LYPD4: variants seen among roughly 807,000 people sequenced by gnomAD.
The protein encoded by LYPD4 is LY6/PLAUR domain containing 4, also known as ly6/PLAUR domain-containing protein 4.
A neutral mutation model predicts 18.2 loss-of-function variants in LYPD4; 20 were observed. That is an observed-to-expected ratio of 1.10 (90% CI 0.77 to 1.59). The LOEUF (loss-of-function observed/expected upper bound fraction) is 1.59, where lower values mean the gene tolerates loss of function less well. Ranked by LOEUF, LYPD4 falls within the 40% of genes most tolerant of loss-of-function variation. The pLI, the probability that LYPD4 is intolerant of heterozygous loss-of-function variation, is 0.00. For missense variants in LYPD4, 278 were observed against 300.3 expected, an observed-to-expected ratio of 0.93 and a Z score of 0.55; for synonymous variants, 111 against 118.3, an observed-to-expected ratio of 0.94 and a Z score of 0.40.
intron 1 of LYPD4, among the ~76,000 whole-genome samples, chr19:41,841,551 A>C (rs2073590488): frequency 6.6e-6 from 1 of 151,576 alleles, no homozygotes; most frequent in African/African-American, 2.4e-5. Context: ...CTGCAGTCCC[A>C]GCTACTAGGG....
rs1270338297 is a variant in LYPD4 at position 41,838,225 on chromosome 19, C to A, written c.248G>T (p.Ser83Ile). Residue 83 changes from serine (S) to isoleucine (I), a missense_variant, in exon 4 of 5, where the codon AGC (serine) becomes ATC (isoleucine). Ser to Ile is a moderately radical substitution (Grantham distance 142). Transcript: ENST00000609812. ...ARGVVGFKGC[S>I]SSSSYPAQIS... ...TTGCGCAGGGTAAGACGAAGACGAG[C>A]TGCAGCCTTTAAAGCCCACGACTCC... 2.6e-6 allele frequency: 4 copies of A among 1,544,574 alleles called. No individual in the cohort carries two copies. Among genetic ancestry groups the A allele is most frequent in the South Asian group, 1.2e-5 (1 of 80,132 alleles).
At chr19:41,840,245 G>A (rs541553993) in intron 1 of LYPD4, among the ~76,000 whole-genome samples, 81 of 152,024 alleles carry the variant, frequency 5.3e-4, no homozygotes, top group African/African-American at 1.9e-3. Context: ...CAGGCATCAC[G>A]ACAAAATGCC....
At chr19:41,836,738 A>G (rs1482606410), downstream of LYPD4, among the ~76,000 whole-genome samples, 1 of 151,684 alleles carries the variant, frequency 6.6e-6, no homozygotes, top group Non-Finnish European at 1.5e-5. Flanking sequence ...CCATGTCAAA[A>G]AAAGGAAAAA....
At chr19:41,837,017 T>G, downstream of LYPD4, 13 of 1,493,576 alleles carry the variant, frequency 8.7e-6, no homozygotes, top group Non-Finnish European at 1.1e-5. Context: ...CTGGACATGC[T>G]TGGCCTTCCT....
downstream of LYPD4, among the ~76,000 whole-genome samples, chr19:41,836,508 G>A (rs797024155): frequency 7.9e-5 from 12 of 151,972 alleles, no homozygotes; most frequent in African/African-American, 2.9e-4. Context: ...GTCTTGTGAG[G>A]ATTAAATGAT....
At chr19:41,842,315 T>C (rs1323802811) in intron 1 of LYPD4, among the ~76,000 whole-genome samples, 1 of 151,814 alleles carries the variant, frequency 6.6e-6, no homozygotes, top group Non-Finnish European at 1.5e-5. Context: ...AGGCATGAGC[T>C]CCCATGCCCA....
chr19:41,838,193 A>T lies in LYPD4; in HGVS notation c.280T>A (p.Tyr94Asn), dbSNP rs370929666. Residue 94 changes from tyrosine to asparagine, a missense_variant, in exon 4 of 5, where the codon TAC becomes AAC. Coordinates refer to ENST00000609812, the MANE Select transcript of LYPD4 (RefSeq NM_173506.7). ...SSSSYPAQIS[Y>N]LVSPPGVSIA... Reference sequence around the variant, plus strand: ...GACACTCCGGGTGGGGAAACAAGGTAGGAGATTTGCGCAGGGTAAGACGAA... The same window carrying T: ...GACACTCCGGGTGGGGAAACAAGGTTGGAGATTTGCGCAGGGTAAGACGAA... 1.1e-4 allele frequency: 173 copies of T among 1,592,208 alleles called. No individual in the cohort carries two copies. Among genetic ancestry groups the T allele is most frequent in the Non-Finnish European group, 1.3e-4 (153 of 1,167,604 alleles).
chr19:41,835,723 A>C, downstream of LYPD4: 1 of 945,838 alleles, frequency 1.1e-6, no homozygotes. Flanking sequence ...GAGGTCACAG[A>C]GGTCCATGGT....
intron 1 of LYPD4, among the ~76,000 whole-genome samples, chr19:41,843,046 A>C (rs1600568132): frequency 5.9e-5 from 2 of 34,142 alleles, no homozygotes; most frequent in East Asian, 5.9e-4. Flanking sequence ...AAAAAAAAAA[A>C]AAAAAAAAAA....
At chr19:41,840,555 G>A (rs892264148) in intron 1 of LYPD4, among the ~76,000 whole-genome samples, 7 of 152,074 alleles carry the variant, frequency 4.6e-5, no homozygotes, top group Middle Eastern at 3.2e-3. Flanking sequence ...ATATACAGCC[G>A]GGCACAGTAT....
rs2073687479 is a variant in LYPD4, at chr19:41,843,066, AAAAAAAAAAAAC to A, written c.-121+500_-121+511del. ...AAAAAAAAAAAAAAAAAAAAAAAAA[AAAAAAAAAAAAC>A]CCCAACAACAACACTACACACATCC... is the stretch of plus-strand genomic sequence containing the variant. On this transcript the variant is annotated intron_variant, in intron 1 of 4. Coordinates refer to ENST00000609812, the MANE Select transcript of LYPD4 (RefSeq NM_173506.7). Among the ~76,000 whole-genome samples, 15 of 39,730 alleles carry A rather than the reference AAAAAAAAAAAAC, an allele frequency of 3.8e-4. 4 individuals carry two copies. The highest frequency in any genetic ancestry group is 6.4e-4 in the African/African-American group (7 of 11,022). The allele number at this position is 39,730 out of a possible 152,430, so 26.1% of individuals were successfully genotyped here. A position where few individuals can be genotyped will look rare whatever the true frequency, so the allele number is the denominator to read the frequency against.
At chr19:41,839,920 G>A (rs919371557) in intron 1 of LYPD4, among the ~76,000 whole-genome samples, 3 of 151,778 alleles carry the variant, frequency 2.0e-5, no homozygotes, top group Non-Finnish European at 2.9e-5. Flanking sequence ...GTGGTGGCAC[G>A]AGCCTATAGT....
downstream of LYPD4, chr19:41,837,015 G>C: frequency 6.7e-7 from 1 of 1,489,738 alleles, no homozygotes; most frequent in Non-Finnish European, 8.9e-7. Flanking sequence ...CCCTGGACAT[G>C]CTTGGCCTTC....
chr19:41,837,600 A>G (rs963813123), intron 4 of LYPD4, among the ~76,000 whole-genome samples: 1 of 151,474 alleles, frequency 6.6e-6, no homozygotes, highest in Non-Finnish European at 1.5e-5. Context: ...AGGCTAGGGT[A>G]TGAGAATCAC....
At chr19:41,842,347 T>C (rs550714075) in intron 1 of LYPD4, among the ~76,000 whole-genome samples, 80 of 151,858 alleles carry the variant, frequency 5.3e-4, no homozygotes, top group Non-Finnish European at 9.0e-4. Flanking sequence ...ATTATTGTGG[T>C]GATGGTAGGT....
At position 41,839,386 on chromosome 19, in the gene LYPD4, C is replaced by G; in HGVS notation, c.-101G>C. ...ATCAGTCCCCGAATTCTTTGTCCAC[C>G]TGTCTCTGGGTCACTGTTTCTGGAG... On this transcript the variant is annotated 5_prime_UTR_variant, in exon 2 of 5. Coordinates refer to ENST00000609812, the MANE Select transcript of LYPD4 (RefSeq NM_173506.7). 8.9e-7 allele frequency: 1 copy of G among 1,123,048 alleles called. No individual in the cohort carries two copies. Among genetic ancestry groups the G allele is most frequent in the South Asian group, 1.3e-5 (1 of 78,336 alleles). The allele number at this position is 1,123,048 out of a possible 1,614,324, so 69.6% of individuals were successfully genotyped here. A position where few individuals can be genotyped will look rare whatever the true frequency, so the allele number is the denominator to read the frequency against.
downstream of LYPD4, chr19:41,835,778 C>T: frequency 8.1e-6 from 8 of 985,420 alleles, no homozygotes; most frequent in Non-Finnish European, 9.6e-6. Context: ...CAGGTGCAGG[C>T]ACGTGTGCTT....
chr19:41,838,546 A>C (rs1555831761), intron 3 of LYPD4, among the ~76,000 whole-genome samples: 1 of 151,840 alleles, frequency 6.6e-6, no homozygotes, highest in East Asian at 1.9e-4. Context: ...TACCCAGCCC[A>C]CAACACAACC....
rs782812231 is a variant in LYPD4, at chr19:41,839,218, C to T, written c.67+1G>A. 79 of 1,614,014 alleles carry T rather than the reference C, an allele frequency of 4.9e-5. No individual in the cohort carries two copies. The Middle Eastern group carries it at 9.9e-4, about 20-fold the overall frequency. On this transcript the variant is annotated splice_donor_variant, in intron 2 of 4. Coordinates refer to ENST00000609812, the MANE Select transcript of LYPD4 (RefSeq NM_173506.7). LOFTEE classifies it high-confidence loss of function. ...ATAGCATCCAGCCCCACAGGACATACGAGGCAGAGTGGAGATGGCCCCTAG... is the reference window on the plus strand; with the variant it reads ...ATAGCATCCAGCCCCACAGGACATATGAGGCAGAGTGGAGATGGCCCCTAG...
Sources: gnomAD v4.1 joint callset for allele counts (sites outside exome capture counted in the v4.1 genomes callset) on GRCh38, gnomAD v4.1.1 for gene constraint, MANE v1.5 for transcripts, NCBI Gene and HGNC (gene_info 2026-07-23, HGNC 2026-07-21) for gene names.